The following ESRRG variants were observed in gnomAD, a reference collection of about 807,000 sequenced individuals.
ESRRG encodes estrogen-related receptor gamma.
In ESRRG, 13 loss-of-function variants were observed where a neutral mutation model predicts 44.0. That is an observed-to-expected ratio of 0.30 (90% CI 0.19 to 0.47). ESRRG has a LOEUF of 0.47. Among genes scored for constraint, ESRRG ranks in the 20% least tolerant of loss-of-function variants. The probability of loss-of-function intolerance (pLI) is 1.00; values close to 1 mark genes in which losing one functional copy is unlikely to be tolerated. For missense variants in ESRRG, 395 were observed against 580.6 expected, an observed-to-expected ratio of 0.68 and a Z score of 3.29; for synonymous variants, 215 against 214.6, an observed-to-expected ratio of 1.00 and a Z score of -0.02.
rs144747759 is a variant in ESRRG, at chr1:216,729,229, G to A, written c.-13-51738C>T. ...GGACCATATGATCCCGTGCGCTGAG[G>A]AAATTTTGGCTTGTGCCAGTTGTCC... On this transcript the variant is annotated intron_variant, in intron 2 of 7. Transcript: ENST00000359162. Among the ~76,000 whole-genome samples, 378 of 152,300 alleles carry A rather than the reference G, an allele frequency of 2.5e-3. 1 individual carries two copies. Among genetic ancestry groups the A allele is most frequent in the African/African-American group, 8.4e-3 (350 of 41,556 alleles).
At chr1:217,010,059 T>C (rs1364759053) in intron 1 of ESRRG, among the ~76,000 whole-genome samples, 4 of 152,054 alleles carry the variant, frequency 2.6e-5, no homozygotes, top group African/African-American at 9.7e-5. Flanking sequence ...GCATAAACAT[T>C]AGACTAGCCA....
At chr1:217,080,562 T>C (rs552830895) in intron 1 of ESRRG, among the ~76,000 whole-genome samples, 4 of 152,036 alleles carry the variant, frequency 2.6e-5, no homozygotes, top group Non-Finnish European at 4.4e-5. Flanking sequence ...TGATTAAATA[T>C]TTACTTTTTA....
At position 217,119,052 on chromosome 1, in the gene ESRRG, G is replaced by A. The variant is rs76400933; in HGVS notation, c.-230+18615C>T. Among the ~76,000 whole-genome samples, 374 of 138,388 alleles carry A rather than the reference G, an allele frequency of 2.7e-3. 2 individuals carry two copies. The highest frequency in any genetic ancestry group is 0.01 in the African/African-American group (351 of 34,822). 90.8% of individuals were successfully genotyped at this position (138,388 alleles called of 152,430 possible). A position where few individuals can be genotyped will look rare whatever the true frequency, so the allele number is the denominator to read the frequency against. On this transcript the variant is annotated intron_variant, in intron 1 of 8. Coordinates refer to the ESRRG transcript ENST00000366940. Reference sequence around the variant, plus strand: ...ATAGATAGATAGATAGATAGATAGAGACACAGATACAGATACAGATAGATA... The same window carrying A: ...ATAGATAGATAGATAGATAGATAGAAACACAGATACAGATACAGATAGATA...
chr1:216,842,643 G>T (rs765655898), intron 2 of ESRRG, among the ~76,000 whole-genome samples: 1 of 152,166 alleles, frequency 6.6e-6, no homozygotes, highest in Non-Finnish European at 1.5e-5. Flanking sequence ...TAATTAAGTG[G>T]TATGTGACAT....
At chr1:216,915,226 G>A (rs4846771) in intron 2 of ESRRG, among the ~76,000 whole-genome samples, 36,100 of 152,078 alleles carry the variant, frequency 0.24, 4,812 homozygotes, top group East Asian at 0.47. Context: ...GCTCACCACT[G>A]TGTGGGGCAA....
chr1:216,554,258 A>G (rs2057040175), intron 5 of ESRRG, among the ~76,000 whole-genome samples: 1 of 152,060 alleles, frequency 6.6e-6, no homozygotes, highest in South Asian at 2.1e-4. Context: ...GTTTGAGACC[A>G]GCCTGGCCAA....
chr1:216,884,307 G>T (rs1339808617), intron 2 of ESRRG, among the ~76,000 whole-genome samples: 1 of 152,222 alleles, frequency 6.6e-6, no homozygotes, highest in African/African-American at 2.4e-5. Context: ...ATGTTCAAAA[G>T]CCAACAAAAT....
intron 1 of ESRRG, among the ~76,000 whole-genome samples, chr1:216,703,771 G>A (rs1575531176): frequency 6.6e-6 from 1 of 151,842 alleles, no homozygotes; most frequent in East Asian, 1.9e-4. Context: ...AGAGAGAGCT[G>A]GGATGCCAAA....
chr1:216,715,068 T>G (rs906473335), intron 1 of ESRRG: 2 of 985,226 alleles, frequency 2.0e-6, no homozygotes, highest in Non-Finnish European at 2.4e-6. Flanking sequence ...GGCCACATGC[T>G]CCCACCTGAG....
intron 1 of ESRRG, among the ~76,000 whole-genome samples, chr1:216,679,502 A>C (rs2076660308): frequency 6.6e-6 from 1 of 152,154 alleles, no homozygotes; most frequent in South Asian, 2.1e-4. Flanking sequence ...TAGAGTTAGA[A>C]GTTTTTAGGG....
At chr1:216,929,315 G>A (rs2063010942) in intron 2 of ESRRG, among the ~76,000 whole-genome samples, 2 of 150,036 alleles carry the variant, frequency 1.3e-5, no homozygotes, top group South Asian at 2.2e-4. Context: ...TATTTATTGT[G>A]CAACTACTCT....
intron 5 of ESRRG, among the ~76,000 whole-genome samples, chr1:216,546,321 G>A (rs1215005889): frequency 1.3e-5 from 2 of 151,942 alleles, no homozygotes; most frequent in South Asian, 2.1e-4. Context: ...TGAGAATAAC[G>A]GTATCAAAAA....
At chr1:216,763,848 G>A (rs7534306) in intron 2 of ESRRG, among the ~76,000 whole-genome samples, 87,660 of 151,872 alleles carry the variant, frequency 0.58, 26,709 homozygotes, top group African/African-American at 0.77. Flanking sequence ...GAATAATAAT[G>A]GCCTATGTAG....
At chr1:216,718,959 A>G (rs2085536006) in intron 1 of ESRRG, among the ~76,000 whole-genome samples, 2 of 152,152 alleles carry the variant, frequency 1.3e-5, no homozygotes, top group Non-Finnish European at 1.5e-5. Context: ...AATCATTGCT[A>G]TTAATTGCCA....
intron 2 of ESRRG, among the ~76,000 whole-genome samples, chr1:216,744,751 C>T (rs182671410): frequency 3.3e-4 from 50 of 152,318 alleles, no homozygotes; most frequent in African/African-American, 1.2e-3. Context: ...ATCTGTTCTT[C>T]TAGCAATATT....
chr1:216,724,336 A>C (rs1404369424), upstream of ESRRG, among the ~76,000 whole-genome samples: 1 of 147,576 alleles, frequency 6.8e-6, no homozygotes, highest in African/African-American at 2.5e-5. Flanking sequence ...ATCTCTCTCG[A>C]TGCATTTTGA....
intron 2 of ESRRG, among the ~76,000 whole-genome samples, chr1:216,818,046 A>G (rs2095194548): frequency 6.6e-6 from 1 of 152,204 alleles, no homozygotes; most frequent in African/African-American, 2.4e-5. Context: ...TCATTTCTGC[A>G]CTGCTGCACC....
chr1:217,070,347 G>T (rs1035897510), intron 1 of ESRRG, among the ~76,000 whole-genome samples: 1 of 151,840 alleles, frequency 6.6e-6, no homozygotes, highest in African/African-American at 2.4e-5. Flanking sequence ...GTCTATATTT[G>T]CAAAAGTACA....
chr1:217,104,744 A>G (rs1036650335), intron 1 of ESRRG, among the ~76,000 whole-genome samples: 1 of 152,222 alleles, frequency 6.6e-6, no homozygotes, highest in Admixed American at 6.5e-5. Context: ...AGAGGGGGAA[A>G]GAAACAGTGG....
Sources: allele counts gnomAD v4.1 joint callset (sites outside exome capture counted in the v4.1 genomes callset), GRCh38; gene constraint gnomAD v4.1.1; transcripts MANE v1.5; gene names NCBI Gene and HGNC (gene_info 2026-07-23, HGNC 2026-07-21).